Variants in XKR9 observed in about 807,000 individuals in gnomAD.
The protein encoded by XKR9 is XK related 9, also known as XK-related protein 9.
Under a neutral mutation model 32.0 loss-of-function variants are expected in XKR9, and 32 were observed. That is an observed-to-expected ratio of 1.00 (90% CI 0.76 to 1.34). The LOEUF (loss-of-function observed/expected upper bound fraction) is 1.34, where lower values mean the gene tolerates loss of function less well. XKR9 is among the 40% of genes most tolerant of loss of function. The probability of loss-of-function intolerance (pLI) is 0.00; values close to 1 mark genes in which losing one functional copy is unlikely to be tolerated. For missense variants in XKR9, 546 were observed against 429.7 expected, an observed-to-expected ratio of 1.27 and a Z score of -2.39; for synonymous variants, 168 against 143.4, an observed-to-expected ratio of 1.17 and a Z score of -1.22.
intron 4 of XKR9, among the ~76,000 whole-genome samples, chr8:70,730,938 G>A (rs373378373): frequency 7.9e-5 from 12 of 152,106 alleles, no homozygotes; most frequent in African/African-American, 2.9e-4. Context: ...AGAAACCAAG[G>A]GAAAGTATCC....
the XKR9 span, among the ~76,000 whole-genome samples, chr8:71,004,998 CTTTTTTTTT>C: frequency 8.3e-5 from 4 of 48,228 alleles, no homozygotes; most frequent in South Asian, 3.0e-3. Flanking sequence ...TTAATCTATG[CTTTTTTTTT>C]TTTTTTTTTT....
At chr8:70,738,918 G>A (rs530915031), downstream of XKR9, among the ~76,000 whole-genome samples, 1 of 152,270 alleles carries the variant, frequency 6.6e-6, no homozygotes, top group South Asian at 2.1e-4. Context: ...AATAGGTGTG[G>A]TGTGGTACTG....
At chr8:70,889,345 G>A in the XKR9 span, among the ~76,000 whole-genome samples, 1 of 150,872 alleles carries the variant, frequency 6.6e-6, no homozygotes, top group African/African-American at 2.4e-5. Context: ...TAAGAGTTTT[G>A]GTTGGAGCTT....
At chr8:70,998,215 T>G in the XKR9 span, among the ~76,000 whole-genome samples, 1 of 152,228 alleles carries the variant, frequency 6.6e-6, no homozygotes, top group Admixed American at 6.5e-5. Context: ...GGTATATTTC[T>G]TAGTATTCCA....
At chr8:70,979,568 G>A in the XKR9 span, among the ~76,000 whole-genome samples, 1 of 152,206 alleles carries the variant, frequency 6.6e-6, no homozygotes, top group African/African-American at 2.4e-5. Context: ...CTCCAGCGGA[G>A]GCTGTAGAAT....
chr8:70,865,766 T>C, the XKR9 span, among the ~76,000 whole-genome samples: 1 of 152,222 alleles, frequency 6.6e-6, no homozygotes, highest in African/African-American at 2.4e-5. Flanking sequence ...TATTGAAACC[T>C]GACTTGTGCT....
rs184491988 is a variant in XKR9 at position 70,705,692 on chromosome 8, G to A, written c.273-1241G>A. Among the ~76,000 whole-genome samples, 127 of 152,238 alleles carry A rather than the reference G, an allele frequency of 8.3e-4. 1 individual carries two copies. Among genetic ancestry groups the A allele is most frequent in the African/African-American group, 2.8e-3 (116 of 41,544 alleles). ...ACATATGATAAGGACTTCGGATTTC[G>A]TTCTAAGTTTGATGGAAATCATTGG... On this transcript the variant is annotated intron_variant, in intron 3 of 4. Coordinates refer to ENST00000408926, the MANE Select transcript of XKR9 (RefSeq NM_001011720.2).
At chr8:70,802,763 C>A in the XKR9 span, among the ~76,000 whole-genome samples, 22 of 152,144 alleles carry the variant, frequency 1.4e-4, no homozygotes, top group Non-Finnish European at 5.9e-5. Context: ...ATAAGAAATT[C>A]TTGGTTAGAA....
At chr8:70,962,849 T>A in the XKR9 span, among the ~76,000 whole-genome samples, 1 of 152,222 alleles carries the variant, frequency 6.6e-6, no homozygotes, top group African/African-American at 2.4e-5. Context: ...ACTCTGGGAT[T>A]TTGACATCAC....
intron 1 of XKR9, among the ~76,000 whole-genome samples, chr8:70,670,333 T>C (rs1380485127): frequency 2.0e-5 from 3 of 152,168 alleles, no homozygotes; most frequent in Non-Finnish European, 4.4e-5. Context: ...GTCGGTTTCT[T>C]ATCAGCCAAG....
At chr8:70,670,818 T>C (rs1563412600) in intron 1 of XKR9, among the ~76,000 whole-genome samples, 1 of 152,302 alleles carries the variant, frequency 6.6e-6, no homozygotes, top group East Asian at 1.9e-4. Context: ...TAACCAAATC[T>C]CCTACATCAG....
At chr8:70,846,462 A>C in the XKR9 span, among the ~76,000 whole-genome samples, 57 of 152,260 alleles carry the variant, frequency 3.7e-4, 1 homozygote, top group East Asian at 0.01. Context: ...AACAAGAGAA[A>C]GAAAGGAACA....
At chr8:70,720,633 A>C (rs1313256842) in intron 4 of XKR9, among the ~76,000 whole-genome samples, 1 of 152,192 alleles carries the variant, frequency 6.6e-6, no homozygotes, top group Non-Finnish European at 1.5e-5. Flanking sequence ...CCAGCTGTTC[A>C]TCCCAGGGAT....
the XKR9 span, among the ~76,000 whole-genome samples, chr8:71,012,041 A>G: frequency 2.6e-5 from 4 of 151,596 alleles, no homozygotes; most frequent in Admixed American, 2.0e-4. Context: ...GGGGGAAAAA[A>G]AAACCCTCTT....
the XKR9 span, among the ~76,000 whole-genome samples, chr8:70,816,343 A>G: frequency 6.6e-6 from 1 of 152,188 alleles, no homozygotes; most frequent in Non-Finnish European, 1.5e-5. Context: ...GAGATTTCTG[A>G]AGGAGCTAAA....
At chr8:70,729,376 A>G (rs976824285) in intron 4 of XKR9, among the ~76,000 whole-genome samples, 1 of 152,202 alleles carries the variant, frequency 6.6e-6, no homozygotes, top group Admixed American at 6.5e-5. Context: ...GCAGTGTTTT[A>G]TGCAAAAAAG....
chr8:70,855,528 A>G, the XKR9 span, among the ~76,000 whole-genome samples: 5 of 152,222 alleles, frequency 3.3e-5, no homozygotes, highest in Admixed American at 3.3e-4. Flanking sequence ...GACGGGGAGA[A>G]TGGAACGAAG....
intron 4 of XKR9, among the ~76,000 whole-genome samples, chr8:70,732,040 C>G (rs1328957871): frequency 6.6e-6 from 1 of 152,118 alleles, no homozygotes; most frequent in Non-Finnish European, 1.5e-5. Context: ...TAGGGAGAGC[C>G]AACCACGACT....
At chr8:71,020,929 G>A in the XKR9 span, among the ~76,000 whole-genome samples, 1 of 152,158 alleles carries the variant, frequency 6.6e-6, no homozygotes, top group Non-Finnish European at 1.5e-5. Flanking sequence ...CCTGAGGCTG[G>A]GGAGTTTATA....
Sources: gnomAD v4.1 joint callset for allele counts (sites outside exome capture counted in the v4.1 genomes callset) on GRCh38, gnomAD v4.1.1 for gene constraint, MANE v1.5 for transcripts, NCBI Gene and HGNC (gene_info 2026-07-23, HGNC 2026-07-21) for gene names.